The following COL5A2 variants were observed in gnomAD, a reference collection of about 807,000 sequenced individuals.
COL5A2 encodes collagen alpha-2(V) chain.
A neutral mutation model predicts 208.2 loss-of-function variants in COL5A2; 23 were observed. The observed-to-expected ratio is 0.11, with a 90% CI of 0.08 to 0.16. The LOEUF is 0.16. Ranked by LOEUF, COL5A2 falls within the 10% of genes least tolerant of loss-of-function variation. The pLI is 1.00. For synonymous variants in COL5A2, 625 were observed against 628.5 expected (o/e 0.99, Z 0.08); for missense variants, 1,590 against 1,956.4 (o/e 0.81, Z 3.53).
the COL5A2 span, among the ~76,000 whole-genome samples, chr2:189,371,497 T>C: frequency 1.3e-5 from 2 of 152,098 alleles, no homozygotes; most frequent in Non-Finnish European, 2.9e-5. Flanking sequence ...ATATAGACAG[T>C]GGAGGCTAGG....
the COL5A2 span, among the ~76,000 whole-genome samples, chr2:189,441,014 G>A: frequency 2.0e-5 from 3 of 152,170 alleles, no homozygotes; most frequent in Non-Finnish European, 2.9e-5. Flanking sequence ...ACAAGGAAGA[G>A]AAAGCTACCT....
At chr2:189,432,768 T>A in the COL5A2 span, among the ~76,000 whole-genome samples, 1 of 152,116 alleles carries the variant, frequency 6.6e-6, no homozygotes, top group East Asian at 1.9e-4. Flanking sequence ...ATTAGACAGA[T>A]CAATGAGACA....
intron 19 of COL5A2, among the ~76,000 whole-genome samples, chr2:189,068,530 T>C (rs1686203105): frequency 6.6e-6 from 1 of 152,174 alleles, no homozygotes; most frequent in Non-Finnish European, 1.5e-5. Context: ...TATTAAATTT[T>C]ATATTTCAAA....
Position 189,201,322 on chromosome 2 carries a change from A to G in COL5A2, c.-42+23826T>C, listed in dbSNP as rs1478499726. Among the ~76,000 whole-genome samples, 3 of 151,998 alleles carry G rather than the reference A, an allele frequency of 2.0e-5. No individual in the cohort carries two copies. In the East Asian group the frequency reaches 5.8e-4, roughly 29 times the overall value. On this transcript the variant is annotated intron_variant, in intron 1 of 10. Coordinates refer to the COL5A2 transcript ENST00000649966. ...GTTTTAATAATAAGTCCATGAAATG[A>G]TACAAAATACTTAGTTAATCCAAAG... is the stretch of plus-strand genomic sequence containing the variant.
At chr2:189,050,718 A>G (rs1463192681) in intron 42 of COL5A2, 42 bp from the exon 43 acceptor site, 1 of 1,481,634 alleles carries the variant, frequency 6.7e-7, no homozygotes, top group Non-Finnish European at 9.2e-7. Context: ...TATCCAGGGT[A>G]AAACTGTACC....
chr2:189,086,033 G>GAA (rs398090951), intron 9 of COL5A2, among the ~76,000 whole-genome samples: 32 of 152,212 alleles, frequency 2.1e-4, no homozygotes, highest in African/African-American at 7.5e-4. Flanking sequence ...TGCTGGCACA[G>GAA]TGTGTGAGTG....
At chr2:189,415,392 T>C in the COL5A2 span, among the ~76,000 whole-genome samples, 2 of 152,224 alleles carry the variant, frequency 1.3e-5, no homozygotes, top group African/African-American at 2.4e-5. Flanking sequence ...TTATCCTTTA[T>C]GGTCTAAACG....
At chr2:189,107,400 C>CT (rs536277449) in intron 2 of COL5A2, among the ~76,000 whole-genome samples, 123 of 151,344 alleles carry the variant, frequency 8.1e-4, no homozygotes, top group Non-Finnish European at 1.4e-3. Flanking sequence ...TGTTGTTTTA[C>CT]TTTCATTAGG....
chr2:189,410,443 G>A, the COL5A2 span, among the ~76,000 whole-genome samples: 1 of 152,058 alleles, frequency 6.6e-6, no homozygotes, highest in Admixed American at 6.6e-5. Flanking sequence ...GTGCATACCT[G>A]CAGTCCTAGC....
chr2:189,221,603 A>G (rs1689348237), intron 1 of COL5A2, among the ~76,000 whole-genome samples: 1 of 152,156 alleles, frequency 6.6e-6, no homozygotes, highest in Non-Finnish European at 1.5e-5. Flanking sequence ...TTCAGACATT[A>G]CAACCTCTTT....
intron 1 of COL5A2, among the ~76,000 whole-genome samples, chr2:189,219,867 T>C (rs910972384): frequency 5.2e-4 from 13 of 24,850 alleles, no homozygotes; most frequent in Non-Finnish European, 1.6e-3. Flanking sequence ...CCTGTGCAGA[T>C]AGAGTGCCCC....
the COL5A2 span, among the ~76,000 whole-genome samples, chr2:189,392,589 A>G: frequency 9.3e-4 from 141 of 152,284 alleles, no homozygotes; most frequent in African/African-American, 3.3e-3. Flanking sequence ...TTTATCACCA[A>G]GAAAAATGCT....
chr2:189,421,783 A>G, the COL5A2 span, among the ~76,000 whole-genome samples: 8 of 152,220 alleles, frequency 5.3e-5, no homozygotes, highest in African/African-American at 1.9e-4. Context: ...TCAGTGGCAG[A>G]CAGGAGGCAG....
At chr2:189,112,646 T>C (rs540345154) in intron 1 of COL5A2, among the ~76,000 whole-genome samples, 76 of 152,338 alleles carry the variant, frequency 5.0e-4, no homozygotes, top group African/African-American at 1.7e-3. Context: ...ATCTGTTTTA[T>C]CTTCATTAAA....
chr2:189,277,059 C>T, the COL5A2 span, among the ~76,000 whole-genome samples: 1 of 152,022 alleles, frequency 6.6e-6, no homozygotes, highest in Non-Finnish European at 1.5e-5. Flanking sequence ...ACTTTGGGGA[C>T]ATTATTTTGC....
the COL5A2 span, among the ~76,000 whole-genome samples, chr2:189,324,318 A>T: frequency 6.6e-6 from 1 of 152,210 alleles, no homozygotes; most frequent in Non-Finnish European, 1.5e-5. Flanking sequence ...GACAAATGGG[A>T]TCTAATTAAA....
At chr2:189,054,344 A>G in intron 35 of COL5A2, 132 bp from the exon 36 acceptor site, 1 of 678,322 alleles carries the variant, frequency 1.5e-6, no homozygotes, top group South Asian at 1.7e-5. Flanking sequence ...CATTATCTAT[A>G]ATAAATGATA....
the COL5A2 span, among the ~76,000 whole-genome samples, chr2:189,276,952 T>A: frequency 2.0e-5 from 3 of 152,124 alleles, no homozygotes; most frequent in African/African-American, 7.2e-5. Flanking sequence ...TTAGAAAAGG[T>A]ATATTTTATG....
intron 1 of COL5A2, among the ~76,000 whole-genome samples, chr2:189,146,061 A>T (rs1425386500): frequency 2.0e-5 from 3 of 152,142 alleles, no homozygotes; most frequent in African/African-American, 7.2e-5. Context: ...TCTTGATTAG[A>T]ATGATGATAT....
Sources: gnomAD v4.1 joint callset for allele counts (sites outside exome capture counted in the v4.1 genomes callset) on GRCh38, gnomAD v4.1.1 for gene constraint, MANE v1.5 for transcripts, NCBI Gene and HGNC (gene_info 2026-07-23, HGNC 2026-07-21) for gene names.